Variants in TRPM8 observed in about 807,000 individuals in gnomAD.
The protein encoded by TRPM8 is TRPM8 cationic channel.
Under a neutral mutation model 133.7 loss-of-function variants are expected in TRPM8, and 110 were observed. The ratio of observed to expected loss-of-function variants is 0.82; its 90% confidence interval spans 0.70 to 0.96. The LOEUF is 0.96. Ranked by LOEUF, TRPM8 falls within the 40% of genes least tolerant of loss-of-function variation. TRPM8 has a pLI of 0.00. For synonymous variants in TRPM8, 535 were observed against 532.3 expected (o/e 1.01, Z -0.07); for missense variants, 1,291 against 1,379.5 (o/e 0.94, Z 1.02).
At chr2:233,954,397 T>G (rs578143353) in intron 10 of TRPM8, among the ~76,000 whole-genome samples, 3 of 152,342 alleles carry the variant, frequency 2.0e-5, no homozygotes, top group Non-Finnish European at 4.4e-5. Context: ...GCACACATAC[T>G]TCACACCTAA....
intron 21 of TRPM8, among the ~76,000 whole-genome samples, chr2:233,992,774 C>T (rs1475510514): frequency 6.6e-6 from 1 of 152,282 alleles, no homozygotes; most frequent in Middle Eastern, 3.4e-3. Context: ...ACTTTAAGAA[C>T]CATCTCAGAT....
At chr2:233,917,925 T>C (rs1691333975) in intron 1 of TRPM8, among the ~76,000 whole-genome samples, 1 of 152,220 alleles carries the variant, frequency 6.6e-6, no homozygotes, top group South Asian at 2.1e-4. Flanking sequence ...GCGGGTATAT[T>C]TAGCTTGTTT....
At chr2:233,943,338 G>T (rs1203690114) in intron 6 of TRPM8, among the ~76,000 whole-genome samples, 1 of 151,930 alleles carries the variant, frequency 6.6e-6, no homozygotes, top group Non-Finnish European at 1.5e-5. Context: ...ACAGTGATAG[G>T]CTGGATTAAG....
intron 12 of TRPM8, 135 bp from the exon 13 acceptor site, chr2:233,963,147 C>A: frequency 2.1e-6 from 1 of 467,396 alleles, no homozygotes; most frequent in South Asian, 6.5e-5. Context: ...AGATGAAAAT[C>A]CCATCACTGT....
At chr2:233,970,686 G>A (rs78262293) in intron 17 of TRPM8, 7,817 of 521,104 alleles carry the variant, frequency 0.015, 85 homozygotes, top group Middle Eastern at 0.032. Flanking sequence ...AGGAATGGGG[G>A]AGTGTTCAAA....
chr2:234,008,967 T>TAG (rs1271601470), intron 24 of TRPM8, among the ~76,000 whole-genome samples: 2 of 152,178 alleles, frequency 1.3e-5, no homozygotes, highest in African/African-American at 4.8e-5. Flanking sequence ...GCCCTAAGTC[T>TAG]AGAGAACGAT....
intron 1 of TRPM8, among the ~76,000 whole-genome samples, chr2:233,922,531 T>C (rs373470118): frequency 3.9e-5 from 6 of 152,210 alleles, no homozygotes; most frequent in African/African-American, 1.4e-4. Flanking sequence ...ATATAAACAT[T>C]TAAACTGAAA....
chr2:233,988,501 G>A (rs1692202688), intron 21 of TRPM8, among the ~76,000 whole-genome samples: 1 of 152,056 alleles, frequency 6.6e-6, no homozygotes, highest in Non-Finnish European at 1.5e-5. Context: ...AAAAAAATGG[G>A]TTCTTACCCA....
chr2:233,922,937 C>T (rs776227106), intron 1 of TRPM8, among the ~76,000 whole-genome samples: 5 of 152,104 alleles, frequency 3.3e-5, no homozygotes, highest in Non-Finnish European at 7.4e-5. Context: ...GGCACGATCT[C>T]GGCTCACTTC....
intron 22 of TRPM8, among the ~76,000 whole-genome samples, chr2:234,002,927 G>A (rs562031579): frequency 6.6e-6 from 1 of 152,266 alleles, no homozygotes; most frequent in East Asian, 1.9e-4. Flanking sequence ...CTGGATTCAT[G>A]TTCCATAGAG....
At chr2:233,969,849 A>G (rs773478518) in intron 16 of TRPM8, 42 bp downstream of exon 16, 8 of 1,254,372 alleles carry the variant, frequency 6.4e-6, no homozygotes, top group Admixed American at 5.1e-5. Context: ...TGTGTGTGCC[A>G]GTGTGTGTAC....
chr2:233,941,648 C>T (rs2125098601), intron 5 of TRPM8, among the ~76,000 whole-genome samples: 1 of 152,258 alleles, frequency 6.6e-6, no homozygotes, highest in African/African-American at 2.4e-5. Flanking sequence ...ACATGGGCAA[C>T]ATATTACACT....
intron 8 of TRPM8, among the ~76,000 whole-genome samples, chr2:233,948,933 C>T (rs969261758): frequency 1.3e-5 from 2 of 152,116 alleles, no homozygotes; most frequent in African/African-American, 4.8e-5. Context: ...ATTCAGGAGG[C>T]TAAGGCAGGA....
chr2:233,927,796 T>TTTCCTTCCTTCC lies in TRPM8; in HGVS notation c.117+1189_117+1200dup, dbSNP rs1170295086. On this transcript the variant is annotated intron_variant, in intron 2 of 25. Coordinates refer to ENST00000324695, the MANE Select transcript of TRPM8 (RefSeq NM_024080.5). ...TTTCTTTCTTTCTTTCTTTCTTTTCTTTCCTTCCTTCCTTCCTTCCTTCCT... is the reference window on the plus strand; with the variant it reads ...TTTCTTTCTTTCTTTCTTTCTTTTCTTTCCTTCCTTCCTTCCTTCCTTCCTTCCTTCCTTCCT... Among the ~76,000 whole-genome samples, 41 of 25,598 alleles carry TTTCCTTCCTTCC rather than the reference T, an allele frequency of 1.6e-3. 4 individuals are homozygous for TTTCCTTCCTTCC. The highest frequency in any genetic ancestry group is 4.7e-3 in the South Asian group (3 of 632). The allele number at this position is 25,598 out of a possible 152,430, so 16.8% of individuals were successfully genotyped here.
chr2:233,945,989 G>A lies in TRPM8; in HGVS notation c.833G>A (p.Arg278Gln), dbSNP rs752437095. Reference protein sequence around the residue: ...HGHPTVEAKLRNQLEKYISER... With the variant: ...HGHPTVEAKLQNQLEKYISER... Reference sequence around the variant, plus strand: ...CATCCCACTGTCGAAGCAAAGCTCCGGAATCAGCTAGAGAAGTATATCTCT... The same window carrying A: ...CATCCCACTGTCGAAGCAAAGCTCCAGAATCAGCTAGAGAAGTATATCTCT... The change falls in exon 7 of 26, where the codon CGG (arginine) becomes CAG (glutamine). Residue 278 changes from arginine (R) to glutamine (Q), a missense_variant. Physicochemically the swap from Arg to Gln is conservative, Grantham distance 43. Coordinates refer to ENST00000324695, the MANE Select transcript of TRPM8 (RefSeq NM_024080.5). 19 of 1,614,088 alleles carry A rather than the reference G, an allele frequency of 1.2e-5. No homozygotes were observed. In the Admixed American group the frequency reaches 1.5e-4, roughly 13 times the overall value.
Position 233,967,141 on chromosome 2 carries a change from T to TA in TRPM8, c.2025+389dup, listed in dbSNP as rs1691596921. On this transcript the variant is annotated intron_variant, in intron 15 of 25. Transcript: ENST00000324695. ...TCTACAAAATGGGGATAGCAGCAGA[T>TA]AAAGGGTTATTGTGAAGATTTAAGG... Among the ~76,000 whole-genome samples, 8 of 152,324 alleles carry TA rather than the reference T, an allele frequency of 5.3e-5. No homozygotes were observed. The South Asian group carries it at 1.7e-3, about 32-fold the overall frequency.
intron 2 of TRPM8, chr2:233,929,606 T>C (rs1043001582): frequency 3.3e-5 from 5 of 152,176 alleles, no homozygotes; most frequent in African/African-American, 1.2e-4. Context: ...GGAGAGGAAG[T>C]TCCTAGCAGC....
intron 4 of TRPM8, 32 bp from the exon 5 acceptor site, chr2:233,938,966 C>T (rs199977668): frequency 3.3e-5 from 53 of 1,611,486 alleles, no homozygotes; most frequent in Middle Eastern, 3.3e-4. Flanking sequence ...GAACACAGGC[C>T]TATCCTGATA....
At chr2:233,992,193 T>C (rs954026282) in intron 21 of TRPM8, among the ~76,000 whole-genome samples, 1 of 152,056 alleles carries the variant, frequency 6.6e-6, no homozygotes, top group Non-Finnish European at 1.5e-5. Context: ...CTGGAATGAG[T>C]CTCCTTACTA....
Sources: allele counts gnomAD v4.1 joint callset (sites outside exome capture counted in the v4.1 genomes callset), GRCh38; gene constraint gnomAD v4.1.1; transcripts MANE v1.5; gene names NCBI Gene and HGNC (gene_info 2026-07-23, HGNC 2026-07-21).